The following RABGAP1L variants were observed in gnomAD, a reference collection of about 807,000 sequenced individuals.
The protein encoded by RABGAP1L is RAB GTPase activating protein 1 like, also known as rab GTPase-activating protein 1-like.
A neutral mutation model predicts 137.7 loss-of-function variants in RABGAP1L; 63 were observed. The observed-to-expected ratio is 0.46, with a 90% confidence interval of 0.37 to 0.56. The LOEUF (loss-of-function observed/expected upper bound fraction) is 0.56. RABGAP1L is among the 20% of genes least tolerant of loss of function. The pLI, the probability that RABGAP1L is intolerant of heterozygous loss-of-function variation, is 0.00. For synonymous variants in RABGAP1L, 431 were observed against 433.7 expected (o/e 0.99, Z 0.08); for missense variants, 1,095 against 1,244.0 (o/e 0.88, Z 1.80).
chr1:174,813,349 A>C (rs903383407), intron 19 of RABGAP1L, among the ~76,000 whole-genome samples: 1 of 152,180 alleles, frequency 6.6e-6, no homozygotes, highest in African/African-American at 2.4e-5. Context: ...GTGAGGAGAA[A>C]AGAAGAGTTA....
At chr1:174,575,641 G>A (rs1389744895) in intron 13 of RABGAP1L, among the ~76,000 whole-genome samples, 1 of 152,210 alleles carries the variant, frequency 6.6e-6, no homozygotes, top group Non-Finnish European at 1.5e-5. Flanking sequence ...TGTTTGTGAT[G>A]TATAGAGACA....
intron 13 of RABGAP1L, among the ~76,000 whole-genome samples, chr1:174,437,734 C>G (rs957118451): frequency 1.2e-4 from 19 of 152,062 alleles, no homozygotes; most frequent in African/African-American, 4.6e-4. Flanking sequence ...CAAAGATACT[C>G]CTCGAGAAGA....
chr1:174,478,144 T>G (rs1360152957), intron 13 of RABGAP1L, among the ~76,000 whole-genome samples: 1 of 152,080 alleles, frequency 6.6e-6, no homozygotes, highest in Non-Finnish European at 1.5e-5. Context: ...AGTTTTCAAG[T>G]ATATCTTTTT....
intron 12 of RABGAP1L, among the ~76,000 whole-genome samples, chr1:174,376,166 AAAAG>A (rs541510377): frequency 3.0e-4 from 46 of 151,610 alleles, no homozygotes; most frequent in South Asian, 1.0e-3. Context: ...GAGAGAAAGA[AAAAG>A]AAAGAAGGAA....
chr1:174,185,919 G>A (rs563637385), intron 1 of RABGAP1L, among the ~76,000 whole-genome samples: 3 of 152,196 alleles, frequency 2.0e-5, no homozygotes, highest in East Asian at 3.9e-4. Context: ...CAAGGTGGGC[G>A]GATCACCTAA....
At chr1:174,632,564 G>T (rs867433534) in intron 13 of RABGAP1L, among the ~76,000 whole-genome samples, 2 of 150,176 alleles carry the variant, frequency 1.3e-5, no homozygotes, top group African/African-American at 2.5e-5. Flanking sequence ...TCACATAGTC[G>T]CATATTTCTT....
At chr1:174,964,937 C>G in intron 20 of RABGAP1L, 2 of 1,499,692 alleles carry the variant, frequency 1.3e-6, no homozygotes, top group Non-Finnish European at 1.8e-6. Context: ...TTTTAATTGT[C>G]TTTGTACCTA....
In RABGAP1L at chr1:174,647,676, G is replaced by A. The variant is rs766839031; in HGVS notation, c.1824+10188G>A. On this transcript the variant is annotated intron_variant, in intron 14 of 25. Coordinates refer to ENST00000681986, the MANE Select transcript of RABGAP1L (RefSeq NM_001366446.1). ...TATTGGCCTGAAATTTTCTTTTTTT[G>A]TTGTGTCTCTGCCAGGTTTTGGGAT... Among the ~76,000 whole-genome samples, 16 of 151,912 alleles carry A rather than the reference G, an allele frequency of 1.1e-4. 1 individual carries two copies. Among genetic ancestry groups the A allele is most frequent in the African/African-American group, 1.9e-4 (8 of 41,314 alleles).
chr1:174,184,232 C>T lies in RABGAP1L; in HGVS notation c.-34+24575C>T, dbSNP rs147802238. 1.8e-4 allele frequency among the ~76,000 whole-genome samples: 27 copies of T among 152,228 alleles called. 1 individual carries two copies. Among genetic ancestry groups the T allele is most frequent in the African/African-American group, 6.3e-4 (26 of 41,542 alleles). ...TTTGTGTTTTCGTGGCTTTGTCACT[C>T]ATTTCTTAGCATGGAATAGTATTAC... On this transcript the variant is annotated intron_variant, in intron 1 of 25. Coordinates refer to ENST00000681986, the MANE Select transcript of RABGAP1L (RefSeq NM_001366446.1).
intron 19 of RABGAP1L, among the ~76,000 whole-genome samples, chr1:174,896,704 C>A (rs1160095111): frequency 6.6e-6 from 1 of 152,182 alleles, no homozygotes. Flanking sequence ...GGAATCCTTT[C>A]CCCATTTCTT....
chr1:174,863,644 G>C (rs1303617457), intron 19 of RABGAP1L, among the ~76,000 whole-genome samples: 1 of 147,190 alleles, frequency 6.8e-6, no homozygotes, highest in African/African-American at 2.5e-5. Flanking sequence ...CTGCACTCCA[G>C]TCTGGGTGAC....
intron 4 of RABGAP1L, among the ~76,000 whole-genome samples, chr1:174,240,322 C>T (rs1360944072): frequency 6.6e-6 from 1 of 152,232 alleles, no homozygotes; most frequent in African/African-American, 2.4e-5. Context: ...TCTTGGTGCA[C>T]TGAAACATCT....
At chr1:174,221,343 G>T (rs180976427) in intron 3 of RABGAP1L, among the ~76,000 whole-genome samples, 179 bp downstream of exon 3, 2 of 152,238 alleles carry the variant, frequency 1.3e-5, no homozygotes, top group East Asian at 3.9e-4. Context: ...AGGTCTTAAT[G>T]TTCTTTGGGA....
intron 13 of RABGAP1L, among the ~76,000 whole-genome samples, chr1:174,490,342 C>T (rs901951566): frequency 2.0e-5 from 3 of 152,154 alleles, no homozygotes; most frequent in Non-Finnish European, 2.9e-5. Context: ...CATAAGATGC[C>T]GCCTTCGTGG....
chr1:174,337,849 T>A (rs1055918719), intron 11 of RABGAP1L, among the ~76,000 whole-genome samples: 3 of 152,236 alleles, frequency 2.0e-5, no homozygotes, highest in African/African-American at 4.8e-5. Flanking sequence ...TTTGTGTACC[T>A]GCTATATTTT....
chr1:174,543,320 G>T (rs111983176), intron 13 of RABGAP1L, among the ~76,000 whole-genome samples: 1 of 151,200 alleles, frequency 6.6e-6, no homozygotes, highest in East Asian at 1.9e-4. Flanking sequence ...AGTTCTTCTT[G>T]TTGAATTGAT....
At chr1:174,915,166 TTTTCA>T (rs1660656230) in intron 19 of RABGAP1L, among the ~76,000 whole-genome samples, 1 of 152,188 alleles carries the variant, frequency 6.6e-6, no homozygotes. Flanking sequence ...TGAACATGTG[TTTTCA>T]TTTCTCTTGG....
chr1:174,807,451 A>G (rs938789129), intron 18 of RABGAP1L, among the ~76,000 whole-genome samples: 1 of 152,246 alleles, frequency 6.6e-6, no homozygotes, highest in Non-Finnish European at 1.5e-5. Flanking sequence ...CCGAGCAAGA[A>G]GTGTCTATCC....
rs1442625752 is a variant in RABGAP1L, at chr1:174,275,815, C to G, written c.1054-18C>G. The G allele has an allele frequency of 1.3e-6, 2 of 1,577,488 alleles. No individual in the cohort carries two copies. Among genetic ancestry groups the G allele is most frequent in the Non-Finnish European group, 1.7e-6 (2 of 1,151,738 alleles). On this transcript the variant is annotated intron_variant, in intron 8 of 25. Transcript: ENST00000681986. Reference sequence around the variant, plus strand: ...TTTTGATGTCTTTTATCAGTAATTACTGTTTGAATTTTTATAGGAATCCAT... The same window carrying G: ...TTTTGATGTCTTTTATCAGTAATTAGTGTTTGAATTTTTATAGGAATCCAT...
Sources: allele counts gnomAD v4.1 joint callset (sites outside exome capture counted in the v4.1 genomes callset), GRCh38; gene constraint gnomAD v4.1.1; transcripts MANE v1.5; gene names NCBI Gene and HGNC (gene_info 2026-07-23, HGNC 2026-07-21).